The following RXFP2 variants were observed in gnomAD, a reference collection of about 807,000 sequenced individuals.
The protein encoded by RXFP2 is relaxin family peptide receptor 2.
RXFP2 carries 68 observed loss-of-function variants against 88.6 expected under a neutral mutation model. That is an observed-to-expected ratio of 0.77 (90% CI 0.63 to 0.94). RXFP2 has a LOEUF of 0.94. Ranked by LOEUF, RXFP2 falls within the 40% of genes least tolerant of loss-of-function variation. The pLI, the probability that RXFP2 is intolerant of heterozygous loss-of-function variation, is 0.00. For synonymous variants in RXFP2, 329 were observed against 306.8 expected (o/e 1.07, Z -0.76); for missense variants, 791 against 893.9 (o/e 0.88, Z 1.47).
At chr13:31,780,782 G>A (rs1873230036) in intron 9 of RXFP2, among the ~76,000 whole-genome samples, 2 of 152,164 alleles carry the variant, frequency 1.3e-5, no homozygotes, top group South Asian at 4.1e-4. Flanking sequence ...GAATTACCTG[G>A]CAAAATGAAA....
chr13:31,791,731 C>T (rs748177465), intron 14 of RXFP2, 75 bp from the exon 15 acceptor site: 4 of 999,606 alleles, frequency 4.0e-6, no homozygotes, highest in Non-Finnish European at 4.8e-6. Flanking sequence ...CATGGAGTTG[C>T]AGCCCCGATA....
At chr13:31,789,302 T>C in intron 14 of RXFP2, 109 bp downstream of exon 14, 1 of 775,700 alleles carries the variant, frequency 1.3e-6, no homozygotes, top group South Asian at 1.4e-5. Flanking sequence ...ACAAAAGTCA[T>C]TTTATTGAGA....
chr13:31,799,779 G>C (rs1874242878), intron 17 of RXFP2, among the ~76,000 whole-genome samples: 1 of 152,134 alleles, frequency 6.6e-6, no homozygotes, highest in Non-Finnish European at 1.5e-5. Flanking sequence ...TATAACAAAG[G>C]ACGTCCAGTT....
At chr13:31,769,802 A>C (rs1033945143) in intron 5 of RXFP2, among the ~76,000 whole-genome samples, 5 of 152,150 alleles carry the variant, frequency 3.3e-5, no homozygotes, top group African/African-American at 1.2e-4. Flanking sequence ...GGGTCCTTAA[A>C]TACATCCCTA....
At position 31,803,267 on chromosome 13, in the gene RXFP2, A is replaced by G. The variant is rs1207762237; in HGVS notation, c.*862A>G. On this transcript the variant is annotated 3_prime_UTR_variant, in exon 18 of 18. Coordinates refer to ENST00000298386, the MANE Select transcript of RXFP2 (RefSeq NM_130806.5). ...ATTTGGGACTGTTTGCATACTCACA[A>G]TGGTTTTGTTCTCATTGTTTTTAAC... 1 of 152,198 alleles carries G rather than the reference A, an allele frequency of 6.6e-6. No individual in the cohort carries two copies. The highest frequency in any genetic ancestry group is 1.5e-5 in the Non-Finnish European group (1 of 68,042). The allele number at this position is 152,198 out of a possible 1,614,324, so 9.4% of individuals were successfully genotyped here. A position where few individuals can be genotyped will look rare whatever the true frequency, so the allele number is the denominator to read the frequency against.
chr13:31,771,829 T>C (rs1226638652), intron 5 of RXFP2, among the ~76,000 whole-genome samples: 1 of 150,920 alleles, frequency 6.6e-6, no homozygotes, highest in Non-Finnish European at 1.5e-5. Flanking sequence ...AAAAGAAAAA[T>C]TGTCTTCTAC....
At chr13:31,745,611 C>A (rs557421688) in intron 1 of RXFP2, among the ~76,000 whole-genome samples, 1 of 152,320 alleles carries the variant, frequency 6.6e-6, no homozygotes, top group African/African-American at 2.4e-5. Flanking sequence ...AGTCCCGGCT[C>A]CCTGCAGAAC....
At chr13:31,759,405 G>GAAAGAAAGAA (rs1872165785) in intron 2 of RXFP2, among the ~76,000 whole-genome samples, 2 of 148,880 alleles carry the variant, frequency 1.3e-5, no homozygotes, top group Non-Finnish European at 3.0e-5. Flanking sequence ...AAGAAAGAAA[G>GAAAGAAAGAA]AAAGAAAGAA....
At chr13:31,787,921 G>A (rs993223589) in intron 13 of RXFP2, among the ~76,000 whole-genome samples, 28 of 152,208 alleles carry the variant, frequency 1.8e-4, no homozygotes, top group African/African-American at 5.5e-4. Context: ...GATTATAGGC[G>A]TGAGCCACCG....
rs1873859925 is a variant in RXFP2 at position 31,792,827 on chromosome 13, T to A, written c.1525T>A (p.Ser509Thr). Residue 509 changes from serine (S) to threonine (T), a missense_variant, in exon 16 of 18, where the codon TCT (serine) becomes ACT (threonine). Ser to Thr is a moderately conservative substitution (Grantham distance 58). Transcript: ENST00000298386. ...GFLAMLSTEV[S>T]VLLLTYLTLE... ...CCTGGCCATGCTGTCCACCGAAGTC[T>A]CTGTTCTGCTACTGACCTACTTGAC... 6.2e-7 allele frequency: 1 copy of A among 1,614,086 alleles called. No homozygotes were observed. The highest frequency in any genetic ancestry group is 1.3e-5 in the African/African-American group (1 of 74,926).
intron 1 of RXFP2, 118 bp downstream of exon 1, chr13:31,739,824 A>G: frequency 1.4e-6 from 1 of 729,394 alleles, no homozygotes; most frequent in Non-Finnish European, 2.4e-6. Context: ...ACAGACATCA[A>G]ATTTGCCTGG....
chr13:31,763,253 T>G (rs919288459), intron 3 of RXFP2, among the ~76,000 whole-genome samples: 1 of 151,968 alleles, frequency 6.6e-6, no homozygotes, highest in Non-Finnish European at 1.5e-5. Flanking sequence ...CCTGGCTAAT[T>G]TTCATATTCT....
At chr13:31,795,509 C>A (rs1205309640) in intron 16 of RXFP2, among the ~76,000 whole-genome samples, 1 of 152,072 alleles carries the variant, frequency 6.6e-6, no homozygotes, top group Non-Finnish European at 1.5e-5. Context: ...GGCAGGGGAG[C>A]ATTTTCTAAC....
At chr13:31,773,947 C>T (rs1028656490) in intron 5 of RXFP2, among the ~76,000 whole-genome samples, 1 of 152,182 alleles carries the variant, frequency 6.6e-6, no homozygotes, top group Non-Finnish European at 1.5e-5. Flanking sequence ...GCTAACTTCC[C>T]ATTGTACAAT....
At chr13:31,742,005 C>A (rs973958472) in intron 1 of RXFP2, among the ~76,000 whole-genome samples, 1 of 152,072 alleles carries the variant, frequency 6.6e-6, no homozygotes, top group East Asian at 1.9e-4. Context: ...CTGGGAACTC[C>A]AAAGCCACAG....
intron 7 of RXFP2, 29 bp from the exon 8 acceptor site, chr13:31,777,347 T>G (rs200663610): frequency 1.3e-6 from 2 of 1,518,064 alleles, no homozygotes; most frequent in East Asian, 4.5e-5. Context: ...TCTCTAATAT[T>G]GGAAATGTTT....
At chr13:31,782,808 G>A in intron 11 of RXFP2, 61 bp downstream of exon 11, 1 of 1,033,204 alleles carries the variant, frequency 9.7e-7, no homozygotes, top group Non-Finnish European at 1.5e-6. Flanking sequence ...AAATTTAAAT[G>A]ACTAGTGAGA....
intron 1 of RXFP2, among the ~76,000 whole-genome samples, chr13:31,753,927 G>A (rs568641184): frequency 6.6e-6 from 1 of 152,080 alleles, no homozygotes; most frequent in Non-Finnish European, 1.5e-5. Context: ...AAAAGGGTGG[G>A]GAATACATTG....
At chr13:31,802,046 T>C (rs1593477317) in intron 17 of RXFP2, 100 bp from the exon 18 acceptor site, 3 of 1,182,894 alleles carry the variant, frequency 2.5e-6, no homozygotes. Context: ...AAATGTACTA[T>C]GTCTCCCTCT....
Sources: allele counts gnomAD v4.1 joint callset (sites outside exome capture counted in the v4.1 genomes callset), GRCh38; gene constraint gnomAD v4.1.1; transcripts MANE v1.5; gene names NCBI Gene and HGNC (gene_info 2026-07-23, HGNC 2026-07-21).